Variants in C20orf173 observed in about 807,000 individuals in gnomAD.
C20orf173 encodes uncharacterized protein C20orf173.
Under a neutral mutation model 26.7 loss-of-function variants are expected in C20orf173, and 22 were observed. The ratio of observed to expected loss-of-function variants is 0.82; its 90% CI spans 0.59 to 1.18. C20orf173 has a LOEUF of 1.18. C20orf173 is among the 50% of genes most tolerant of loss of function. C20orf173 has a pLI of 0.00. For synonymous variants in C20orf173, 85 were observed against 96.4 expected, an observed-to-expected ratio of 0.88 and a Z score of 0.69; for missense variants, 210 against 250.3, an observed-to-expected ratio of 0.84 and a Z score of 1.09.
Position 35,528,889 on chromosome 20 carries a change from G to A in C20orf173, c.310-10C>T, listed in dbSNP as rs1208611479. On this transcript the variant is annotated splice_polypyrimidine_tract_variant and intron_variant, in intron 2 of 5. Transcript: ENST00000444723. Reference sequence around the variant, plus strand: ...TCCCTGAGTTCATGCCCTGGAAACAGCAAGAGGGAGATTGGGGGCTGGGCC... The same window carrying A: ...TCCCTGAGTTCATGCCCTGGAAACAACAAGAGGGAGATTGGGGGCTGGGCC... 1.3e-6 allele frequency: 2 copies of A among 1,551,318 alleles called. No homozygotes were observed. Among genetic ancestry groups the A allele is most frequent in the Non-Finnish European group, 1.7e-6 (2 of 1,146,908 alleles).
downstream of C20orf173, among the ~76,000 whole-genome samples, chr20:35,526,758 G>A (rs565398455): frequency 4.7e-5 from 7 of 147,830 alleles, no homozygotes; most frequent in South Asian, 2.2e-4. Flanking sequence ...CTCACCCTCC[G>A]GCATGGGTGA....
At chr20:35,525,682 G>C (rs2064498829), downstream of C20orf173, among the ~76,000 whole-genome samples, 1 of 152,234 alleles carries the variant, frequency 6.6e-6, no homozygotes, top group African/African-American at 2.4e-5. Flanking sequence ...CTTAGCCTGA[G>C]AGGGTTCTTG....
downstream of C20orf173, among the ~76,000 whole-genome samples, chr20:35,524,493 A>C (rs1433817600): frequency 1.3e-5 from 2 of 152,204 alleles, no homozygotes; most frequent in Non-Finnish European, 2.9e-5. Context: ...AATTTAGATT[A>C]ATTAAAATAA....
chr20:35,527,533 A>C (rs1011794976), intron 5 of C20orf173, among the ~76,000 whole-genome samples: 1 of 152,188 alleles, frequency 6.6e-6, no homozygotes, highest in African/African-American at 2.4e-5. Context: ...GAGAGAAGGC[A>C]TGAGGCAGCT....
At position 35,529,638 on chromosome 20, in the gene C20orf173, A is replaced by T; in HGVS notation, c.-131T>A. 2.0e-6 allele frequency: 1 copy of T among 493,460 alleles called. No homozygotes were observed. Among genetic ancestry groups the T allele is most frequent in the Non-Finnish European group, 3.7e-6 (1 of 273,764 alleles). 30.6% of individuals were successfully genotyped at this position (493,460 alleles called of 1,614,324 possible). On this transcript the variant is annotated 5_prime_UTR_variant, in exon 1 of 6. Coordinates refer to ENST00000444723, the MANE Select transcript of C20orf173 (RefSeq NM_001145350.2). ...AGCATGTGGCTAGTCCTGAGAGGGG[A>T]AGGAATACCTCAGTGGGGGCCTTGC...
downstream of C20orf173, chr20:35,523,353 A>G (rs958440861): frequency 6.6e-6 from 1 of 152,254 alleles, no homozygotes; most frequent in African/African-American, 2.4e-5. Context: ...CCTGGCAGAC[A>G]GTAGATTGGC....
At chr20:35,528,349 C>T (rs1601348322) in intron 4 of C20orf173, 65 bp from the exon 5 acceptor site, 65 of 1,549,308 alleles carry the variant, frequency 4.2e-5, no homozygotes, top group Non-Finnish European at 5.5e-5. Context: ...GCAAGTGTCC[C>T]CAGTAAGCCA....
At chr20:35,522,397 T>G (rs13045155), downstream of C20orf173, 6 of 151,928 alleles carry the variant, frequency 3.9e-5, no homozygotes, top group African/African-American at 1.2e-4. Flanking sequence ...ATACCCAGGG[T>G]TTTTTTTGCT....
Position 35,528,772 on chromosome 20 carries a change from C to G in C20orf173, c.417G>C (p.Leu139=), listed in dbSNP as rs1481632935. 7 of 1,550,162 alleles carry G rather than the reference C, an allele frequency of 4.5e-6. No individual in the cohort carries two copies. Among genetic ancestry groups the G allele is most frequent in the Non-Finnish European group, 6.1e-6 (7 of 1,146,466 alleles). ...HFDFYCGTCV[L]LGRPQIPQGS... is the part of the protein sequence containing the mutation. ...CCTGCGGGATCTGTGGGCGCCCCAA[C>G]AGCACACAAGTCCCACAATAGAAAT... The change falls in exon 3 of 6, where the codon CTG becomes CTC. Residue 139 remains leucine (L), a synonymous_variant. Transcript: ENST00000444723.
At chr20:35,528,329 G>A (rs1311155405) in intron 4 of C20orf173, 45 bp from the exon 5 acceptor site, 4 of 1,551,348 alleles carry the variant, frequency 2.6e-6, no homozygotes, top group East Asian at 2.4e-5. Flanking sequence ...ACAAGACCTG[G>A]GAAAGTCCTG....
intron 2 of C20orf173, 67 bp downstream of exon 2, chr20:35,528,998 A>G: frequency 6.5e-7 from 1 of 1,535,334 alleles, no homozygotes; most frequent in Non-Finnish European, 8.8e-7. Context: ...ATTTGGGCGG[A>G]AAGTGGGAGA....
chr20:35,523,996 G>T (rs1056744526), downstream of C20orf173, among the ~76,000 whole-genome samples: 1 of 152,062 alleles, frequency 6.6e-6, no homozygotes, highest in Non-Finnish European at 1.5e-5. Flanking sequence ...CACCTCTCAG[G>T]GGTCGACTTT....
At position 35,529,367 on chromosome 20, in the gene C20orf173, G is replaced by A. The variant is rs78324737; in HGVS notation, c.7C>T (p.Arg3Cys). The part of the protein sequence containing the change: MK[R>C]WQIFVLWVFW... ...ACCCACAGGACAAAAATCTGCCAGCGCTTCATGTCTGGCCCAGGCGGTGGC... is the reference window on the plus strand; with the variant it reads ...ACCCACAGGACAAAAATCTGCCAGCACTTCATGTCTGGCCCAGGCGGTGGC... Residue 3 changes from arginine to cysteine, a missense_variant, in exon 2 of 6, where the codon CGC becomes TGC. Coordinates refer to ENST00000444723, the MANE Select transcript of C20orf173 (RefSeq NM_001145350.2). The A allele has an allele frequency of 2.7e-3, 4,097 of 1,539,294 alleles. 92 individuals are homozygous for A. In the African/African-American group the frequency reaches 0.049, roughly 18 times the overall value.
downstream of C20orf173, among the ~76,000 whole-genome samples, chr20:35,525,123 T>G (rs1388505187): frequency 6.6e-6 from 1 of 151,538 alleles, no homozygotes; most frequent in Non-Finnish European, 1.5e-5. Flanking sequence ...AAAAAAAAAA[T>G]CTTTATGTTC....
At chr20:35,521,267 C>T (rs2064473429), downstream of C20orf173, 1 of 152,688 alleles carries the variant, frequency 6.5e-6, no homozygotes, top group Admixed American at 6.5e-5. Flanking sequence ...CAGGCTTCCT[C>T]TTGGAGCTGG....
chr20:35,526,614 G>A (rs2064503492), downstream of C20orf173, among the ~76,000 whole-genome samples: 2 of 113,284 alleles, frequency 1.8e-5, no homozygotes, highest in African/African-American at 3.5e-5. Flanking sequence ...GGGCAACACA[G>A]CAAACTCTTG....
At position 35,528,528 on chromosome 20, in the gene C20orf173, C is replaced by T. The variant is rs2064522862; in HGVS notation, c.505G>A (p.Gly169Ser). ...PVVFRNASDQGSWMQLEMLLR... is the reference protein window; with the variant it reads ...PVVFRNASDQSSWMQLEMLLR... ...AGCATCTCCAGCTGCATCCAGGAGCCCTGGTCGCTGGCATTCCTGGGATAG... is the reference window on the plus strand; with the variant it reads ...AGCATCTCCAGCTGCATCCAGGAGCTCTGGTCGCTGGCATTCCTGGGATAG... The change falls in exon 4 of 6, where the codon GGC (glycine) becomes AGC (serine). Residue 169 changes from glycine to serine, a missense_variant. Gly to Ser is a moderately conservative substitution (Grantham distance 56). Transcript: ENST00000444723. 6.4e-7 allele frequency: 1 copy of T among 1,551,576 alleles called. No homozygotes were observed. Among genetic ancestry groups the T allele is most frequent in the Admixed American group, 2.0e-5 (1 of 50,978 alleles).
downstream of C20orf173, among the ~76,000 whole-genome samples, chr20:35,524,380 A>G (rs1039472023): frequency 1.5e-4 from 23 of 152,308 alleles, no homozygotes; most frequent in African/African-American, 4.6e-4. Context: ...TGTCAGAAAT[A>G]CATGATTTAT....
At chr20:35,521,054 A>C (rs893579977), downstream of C20orf173, 7 of 152,564 alleles carry the variant, frequency 4.6e-5, no homozygotes, top group Non-Finnish European at 4.4e-5. Context: ...CTGCTGGGAA[A>C]TTTTGCATGG....
Sources: allele counts gnomAD v4.1 joint callset (sites outside exome capture counted in the v4.1 genomes callset), GRCh38; gene constraint gnomAD v4.1.1; transcripts MANE v1.5; gene names NCBI Gene and HGNC (gene_info 2026-07-23, HGNC 2026-07-21).